The following ABCE1 variants were observed in gnomAD, a reference collection of about 807,000 sequenced individuals.
ABCE1 encodes the protein ATP-binding cassette sub-family E member 1.
Under a neutral mutation model 83.4 loss-of-function variants are expected in ABCE1, and 22 were observed. That is an observed-to-expected ratio of 0.26 (90% confidence interval 0.19 to 0.38). The LOEUF is 0.38. ABCE1 is among the 10% of genes least tolerant of loss of function. The pLI, the probability that ABCE1 is intolerant of heterozygous loss-of-function variation, is 1.00. For synonymous variants in ABCE1, 204 were observed against 233.7 expected, an observed-to-expected ratio of 0.87 and a Z score of 1.16; for missense variants, 330 against 721.9, an observed-to-expected ratio of 0.46 and a Z score of 6.22.
chr4:145,106,979 C>A (rs1194121592), intron 3 of ABCE1, among the ~76,000 whole-genome samples: 12 of 152,104 alleles, frequency 7.9e-5, no homozygotes. Flanking sequence ...TTGAACATGT[C>A]TGCTGAACAG....
intron 4 of ABCE1, among the ~76,000 whole-genome samples, 191 bp downstream of exon 4, chr4:145,108,303 A>G (rs566954590): frequency 2.0e-4 from 31 of 152,300 alleles, no homozygotes; most frequent in African/African-American, 7.0e-4. Context: ...ACAGTTACCT[A>G]TGGGACTTTT....
chr4:145,099,701 T>C (rs1479849817), intron 1 of ABCE1, among the ~76,000 whole-genome samples: 1 of 152,228 alleles, frequency 6.6e-6, no homozygotes, highest in East Asian at 1.9e-4. Context: ...GTAAGACTAA[T>C]AAACTACAAT....
At chr4:145,100,681 T>C (rs1014258632) in intron 1 of ABCE1, among the ~76,000 whole-genome samples, 1 of 152,234 alleles carries the variant, frequency 6.6e-6, no homozygotes, top group Non-Finnish European at 1.5e-5. Context: ...TTTAGAGGAA[T>C]AGAGTCAACC....
intron 16 of ABCE1, chr4:145,123,918 C>T (rs1456982386): frequency 5.5e-6 from 1 of 180,384 alleles, no homozygotes; most frequent in African/African-American, 2.3e-5. Context: ...AAAACTATTG[C>T]TTTCATACAT....
intron 3 of ABCE1, among the ~76,000 whole-genome samples, chr4:145,107,247 T>G (rs1447873431): frequency 6.6e-6 from 1 of 152,034 alleles, no homozygotes; most frequent in Non-Finnish European, 1.5e-5. Flanking sequence ...TGGAAAGACA[T>G]TAATCCCCAG....
At chr4:145,117,785 A>C (rs1026836105) in intron 10 of ABCE1, among the ~76,000 whole-genome samples, 1 of 151,796 alleles carries the variant, frequency 6.6e-6, no homozygotes, top group East Asian at 1.9e-4. Context: ...TTCAGTGTTC[A>C]TCTTGTTTTC....
Position 145,123,145 on chromosome 4 carries a change from ATTTT to A in ABCE1, c.1374+19_1374+22del, listed in dbSNP as rs760122824. The stretch of plus-strand genomic sequence containing the variant: ...ATTGATCAAGAGGTACTTTAACATA[ATTTT>A]TTTTATTTTTTTATTATTTTGAATT... On this transcript the variant is annotated intron_variant, in intron 14 of 17. Transcript: ENST00000296577. The A allele has an allele frequency of 7.6e-6, 12 of 1,574,830 alleles. No homozygotes were observed. Among genetic ancestry groups the A allele is most frequent in the African/African-American group, 2.8e-5 (2 of 71,998 alleles).
intron 5 of ABCE1, among the ~76,000 whole-genome samples, chr4:145,109,559 A>T (rs1000415472): frequency 6.6e-6 from 1 of 152,162 alleles, no homozygotes; most frequent in Non-Finnish European, 1.5e-5. Flanking sequence ...GTTGCAGTCA[A>T]TAGTTTGATT....
chr4:145,117,275 A>G lies in ABCE1; in HGVS notation c.801-18A>G, dbSNP rs1355126776. On this transcript the variant is annotated intron_variant, in intron 9 of 17. Transcript: ENST00000296577. ...TAGTTATGTAAGAGTTTTAACTAAA[A>G]TCTGGTTTGATTTTCAGATATATCA... is the stretch of plus-strand genomic sequence containing the variant. 3 of 1,588,026 alleles carry G rather than the reference A, an allele frequency of 1.9e-6. No homozygotes were observed. Among genetic ancestry groups the G allele is most frequent in the South Asian group, 2.3e-5 (2 of 87,108 alleles).
intron 3 of ABCE1, among the ~76,000 whole-genome samples, chr4:145,107,080 A>C (rs1749327014): frequency 2.0e-5 from 3 of 152,142 alleles, no homozygotes; most frequent in African/African-American, 7.2e-5. Context: ...TACCATTCTT[A>C]AATGACCTTC....
chr4:145,124,943 T>A (rs759686447), intron 16 of ABCE1, 47 bp from the exon 17 acceptor site: 1 of 1,371,418 alleles, frequency 7.3e-7, no homozygotes, highest in South Asian at 1.2e-5. Context: ...GGTAGTTACA[T>A]TTCTGAAGTA....
At chr4:145,123,408 G>C in intron 15 of ABCE1, 51 bp downstream of exon 15, 1 of 1,591,726 alleles carries the variant, frequency 6.3e-7, no homozygotes, top group South Asian at 1.1e-5. Context: ...TGTCCTACAA[G>C]TGTGCTTAAT....
intron 17 of ABCE1, among the ~76,000 whole-genome samples, chr4:145,126,234 T>C (rs1749883557): frequency 6.6e-6 from 1 of 152,168 alleles, no homozygotes; most frequent in South Asian, 2.1e-4. Context: ...TCTTAGTCAC[T>C]CAGAAACAGA....
rs1166583801 is a variant in ABCE1 at position 145,120,057 on chromosome 4, T to C, written c.1048T>C (p.Tyr350His). The C allele has an allele frequency of 6.2e-7, 1 of 1,612,120 alleles. No individual in the cohort carries two copies. The highest frequency in any genetic ancestry group is 8.5e-7 in the Non-Finnish European group (1 of 1,179,182). ...AGTTAAAAAGATGTGTATGTATAAA[T>C]ATCCAGGAATGAAGAAAAAAATGGG... ...EEVKKMCMYK[Y>H]PGMKKKMGEF... is the part of the protein sequence containing the mutation. The change falls in exon 11 of 18, where the codon TAT (tyrosine) becomes CAT (histidine). Residue 350 changes from tyrosine (Y) to histidine (H), a missense_variant. By Grantham distance (83) the Tyr-to-His change is moderately conservative. Transcript: ENST00000296577.
At chr4:145,104,130 T>C (rs1227732064) in intron 1 of ABCE1, among the ~76,000 whole-genome samples, 2 of 152,158 alleles carry the variant, frequency 1.3e-5, no homozygotes, top group East Asian at 3.9e-4. Context: ...TTTCTTTTTG[T>C]CGCTATTGTA....
At chr4:145,115,964 A>G (rs1749598374) in intron 9 of ABCE1, among the ~76,000 whole-genome samples, 1 of 151,980 alleles carries the variant, frequency 6.6e-6, no homozygotes, top group Admixed American at 6.6e-5. Context: ...TCCAAGTATC[A>G]GTCCAAATAC....
At chr4:145,107,066 A>G (rs1167721356) in intron 3 of ABCE1, among the ~76,000 whole-genome samples, 2 of 152,118 alleles carry the variant, frequency 1.3e-5, no homozygotes, top group African/African-American at 4.8e-5. Context: ...TTTTCTAGCC[A>G]TATTACCATT....
chr4:145,110,629 C>T (rs923362459), intron 7 of ABCE1, among the ~76,000 whole-genome samples, 185 bp downstream of exon 7: 1 of 152,168 alleles, frequency 6.6e-6, no homozygotes, highest in Non-Finnish European at 1.5e-5. Flanking sequence ...GCATGTGCCA[C>T]CACGCCCAGC....
At chr4:145,118,609 T>C (rs1315069077) in intron 10 of ABCE1, among the ~76,000 whole-genome samples, 1 of 151,802 alleles carries the variant, frequency 6.6e-6, no homozygotes, top group Non-Finnish European at 1.5e-5. Flanking sequence ...AAGTTGATAA[T>C]AATATGGGTA....
Sources: gnomAD v4.1 joint callset for allele counts (sites outside exome capture counted in the v4.1 genomes callset) on GRCh38, gnomAD v4.1.1 for gene constraint, MANE v1.5 for transcripts, NCBI Gene and HGNC (gene_info 2026-07-23, HGNC 2026-07-21) for gene names.